Variants in KCNQ5 observed in about 807,000 individuals in gnomAD.
The protein encoded by KCNQ5 is potassium voltage-gated channel subfamily KQT member 5.
KCNQ5 carries 30 observed loss-of-function variants against 98.2 expected under a neutral mutation model. That is an observed-to-expected ratio of 0.31 (90% CI 0.23 to 0.41). KCNQ5 has a LOEUF of 0.41. Among genes scored for constraint, KCNQ5 ranks in the 10% least tolerant of loss-of-function variants. KCNQ5 has a pLI of 1.00. For synonymous variants in KCNQ5, 458 were observed against 449.4 expected (o/e 1.02, Z -0.24); for missense variants, 835 against 1,182.5 (o/e 0.71, Z 4.31).
At chr6:72,938,579 T>A (rs1036792228) in intron 1 of KCNQ5, among the ~76,000 whole-genome samples, 14 of 152,000 alleles carry the variant, frequency 9.2e-5, no homozygotes, top group Admixed American at 1.3e-4. Context: ...GAGATGGGGT[T>A]TCACCATGTT....
chr6:73,093,531 T>G (rs1774343225), intron 5 of KCNQ5, among the ~76,000 whole-genome samples: 1 of 152,162 alleles, frequency 6.6e-6, no homozygotes, highest in Non-Finnish European at 1.5e-5. Context: ...GACTTTTTGA[T>G]GTAGGCATTT....
chr6:72,954,377 G>A (rs977716369), intron 1 of KCNQ5, among the ~76,000 whole-genome samples: 7 of 152,196 alleles, frequency 4.6e-5, no homozygotes, highest in African/African-American at 1.7e-4. Context: ...CTAAAAGTAA[G>A]TGCAAAAAAT....
intron 1 of KCNQ5, among the ~76,000 whole-genome samples, chr6:72,722,469 C>A (rs1770019604): frequency 6.6e-6 from 1 of 152,054 alleles, no homozygotes; most frequent in South Asian, 2.1e-4. Flanking sequence ...ATCAGAACAC[C>A]CAGGTTTAAA....
chr6:73,080,948 T>A (rs1354334072), intron 5 of KCNQ5, among the ~76,000 whole-genome samples: 1 of 152,138 alleles, frequency 6.6e-6, no homozygotes, highest in African/African-American at 2.4e-5. Context: ...TGAAAGCAGT[T>A]TCATATTAGT....
chr6:72,747,995 A>G (rs1036775821), intron 1 of KCNQ5, among the ~76,000 whole-genome samples: 13 of 152,180 alleles, frequency 8.5e-5, no homozygotes, highest in Non-Finnish European at 1.5e-5. Flanking sequence ...CCTACGTCAG[A>G]AAATCTTCAG....
At chr6:73,051,598 G>A (rs1772237361) in intron 3 of KCNQ5, among the ~76,000 whole-genome samples, 1 of 151,328 alleles carries the variant, frequency 6.6e-6, no homozygotes, top group Non-Finnish European at 1.5e-5. Flanking sequence ...CAGCCCAAAA[G>A]TTCTGAGCTG....
rs139487419 is a variant in KCNQ5 at position 72,655,407 on chromosome 6, C to T, written c.398+32820C>T. ...TAAATGATATAAAGGAGAATCTGTC[C>T]ATCACAGTGAGACATCCAAATGGCT... On this transcript the variant is annotated intron_variant, in intron 1 of 13. Transcript: ENST00000370398. 3.9e-5 allele frequency among the ~76,000 whole-genome samples: 6 copies of T among 152,086 alleles called. No homozygotes were observed. The East Asian group carries it at 1.2e-3, about 29-fold the overall frequency.
chr6:72,894,792 C>T (rs1488786365), intron 1 of KCNQ5, among the ~76,000 whole-genome samples: 1 of 152,112 alleles, frequency 6.6e-6, no homozygotes, highest in African/African-American at 2.4e-5. Context: ...GGTTGTCTTA[C>T]TTTGATTACC....
chr6:72,803,230 C>T (rs1028634692), intron 1 of KCNQ5, among the ~76,000 whole-genome samples: 3 of 152,142 alleles, frequency 2.0e-5, no homozygotes, highest in South Asian at 2.1e-4. Flanking sequence ...TGCAATGCCA[C>T]GTACACGTTC....
intron 1 of KCNQ5, among the ~76,000 whole-genome samples, chr6:72,623,077 G>C (rs1292440583): frequency 1.3e-5 from 2 of 152,082 alleles, no homozygotes; most frequent in African/African-American, 4.8e-5. Flanking sequence ...GGCGGAGTAG[G>C]GGAAGCTGCT....
At chr6:72,830,917 A>G (rs145311866) in intron 1 of KCNQ5, among the ~76,000 whole-genome samples, 1,594 of 152,330 alleles carry the variant, frequency 0.01, 28 homozygotes, top group African/African-American at 0.035. Flanking sequence ...AAAAGTGGGC[A>G]AAAGATATGA....
At chr6:73,090,652 A>G (rs866116260) in intron 5 of KCNQ5, among the ~76,000 whole-genome samples, 5 of 152,102 alleles carry the variant, frequency 3.3e-5, no homozygotes, top group Non-Finnish European at 7.4e-5. Context: ...TCCCAGCACC[A>G]TTTGTTGAAA....
At chr6:72,866,748 A>G (rs1778003403) in intron 1 of KCNQ5, among the ~76,000 whole-genome samples, 1 of 152,202 alleles carries the variant, frequency 6.6e-6, no homozygotes, top group Admixed American at 6.5e-5. Context: ...AAAAGCATGA[A>G]AACAGTTTCA....
chr6:72,743,705 TTCTTACCAGGTC>T (rs1274170600), intron 1 of KCNQ5, among the ~76,000 whole-genome samples: 1 of 152,232 alleles, frequency 6.6e-6, no homozygotes, highest in Non-Finnish European at 1.5e-5. Context: ...CTGGTTTGTA[TTCTTACCAGGTC>T]TGCTGACACT....
intron 1 of KCNQ5, among the ~76,000 whole-genome samples, chr6:72,661,268 G>T (rs1766511661): frequency 6.6e-6 from 1 of 151,862 alleles, no homozygotes; most frequent in South Asian, 2.1e-4. Context: ...TTACCAAATG[G>T]AGTACAACAT....
intron 1 of KCNQ5, among the ~76,000 whole-genome samples, chr6:72,692,875 A>G (rs901297581): frequency 6.6e-6 from 1 of 152,222 alleles, no homozygotes; most frequent in African/African-American, 2.4e-5. Context: ...GACATACTGT[A>G]GAAGGTTTTG....
intron 1 of KCNQ5, among the ~76,000 whole-genome samples, chr6:72,847,922 A>C (rs1216775029): frequency 6.6e-6 from 1 of 152,180 alleles, no homozygotes; most frequent in Non-Finnish European, 1.5e-5. Flanking sequence ...AGATTACATT[A>C]AATTTACTGG....
At chr6:72,638,613 A>C (rs960789122) in intron 1 of KCNQ5, among the ~76,000 whole-genome samples, 2 of 151,816 alleles carry the variant, frequency 1.3e-5, no homozygotes, top group Non-Finnish European at 2.9e-5. Context: ...TTTTTTCTCC[A>C]AAACAGGTTA....
chr6:73,158,354 C>A (rs148479777), intron 10 of KCNQ5, among the ~76,000 whole-genome samples: 2,137 of 151,780 alleles, frequency 0.014, 47 homozygotes, highest in African/African-American at 0.049. Flanking sequence ...GCAACCTCCG[C>A]CTCCCGGGTT....
Sources: gnomAD v4.1 joint callset for allele counts (sites outside exome capture counted in the v4.1 genomes callset) on GRCh38, gnomAD v4.1.1 for gene constraint, MANE v1.5 for transcripts, NCBI Gene and HGNC (gene_info 2026-07-23, HGNC 2026-07-21) for gene names.